The following ENTREP2 variants were observed in gnomAD, a reference collection of about 807,000 sequenced individuals.
ENTREP2 encodes endosomal transmembrane epsin interactor 2, also known as protein ENTREP2.
the ENTREP2 span, among the ~76,000 whole-genome samples, chr15:29,361,485 T>C: frequency 1.3e-5 from 2 of 152,198 alleles, no homozygotes; most frequent in Admixed American, 1.3e-4. Flanking sequence ...TTTCCTCCCA[T>C]TATCTTATAC....
the ENTREP2 span, among the ~76,000 whole-genome samples, chr15:29,220,338 T>C: frequency 2.0e-5 from 3 of 152,354 alleles, no homozygotes; most frequent in Admixed American, 6.5e-5. Flanking sequence ...CTGTCCAAGC[T>C]CATTAGAATT....
chr15:29,211,592 C>T, the ENTREP2 span, among the ~76,000 whole-genome samples: 58 of 152,236 alleles, frequency 3.8e-4, no homozygotes, highest in African/African-American at 1.2e-3. Context: ...TTTCCCCATT[C>T]GGTATTATAT....
the ENTREP2 span, among the ~76,000 whole-genome samples, chr15:29,360,205 A>G: frequency 6.6e-6 from 1 of 152,222 alleles, no homozygotes; most frequent in East Asian, 1.9e-4. Flanking sequence ...AATTTTTTCT[A>G]ACGCTATATC....
chr15:29,589,623 C>T, the ENTREP2 span, among the ~76,000 whole-genome samples: 1 of 152,226 alleles, frequency 6.6e-6, no homozygotes, highest in Non-Finnish European at 1.5e-5. Context: ...CCCTCCGCTA[C>T]CTCTGCAGCC....
the ENTREP2 span, among the ~76,000 whole-genome samples, chr15:29,422,976 G>A: frequency 3.9e-5 from 6 of 152,182 alleles, no homozygotes; most frequent in African/African-American, 1.4e-4. Flanking sequence ...ATAGGTGAGT[G>A]TGTCTTTAAT....
chr15:29,667,966 A>G, the ENTREP2 span, among the ~76,000 whole-genome samples: 1 of 152,120 alleles, frequency 6.6e-6, no homozygotes. Flanking sequence ...TCTAAATTAG[A>G]ATCTCCCTAC....
the ENTREP2 span, among the ~76,000 whole-genome samples, chr15:29,511,858 T>C: frequency 6.7e-6 from 1 of 148,808 alleles, no homozygotes; most frequent in Admixed American, 6.8e-5. Context: ...AGAAAATGTA[T>C]GCTGCCAATA....
the ENTREP2 span, chr15:29,570,523 G>T: frequency 7.0e-7 from 1 of 1,420,288 alleles, no homozygotes; most frequent in South Asian, 1.4e-5. Context: ...CTGCCCAGAA[G>T]GGGCAGGAGT....
the ENTREP2 span, among the ~76,000 whole-genome samples, chr15:29,305,834 A>G: frequency 6.6e-6 from 1 of 152,240 alleles, no homozygotes; most frequent in Non-Finnish European, 1.5e-5. Flanking sequence ...TAGTTTTTAA[A>G]GCCATGGGTC....
At chr15:29,546,607 C>T in the ENTREP2 span, among the ~76,000 whole-genome samples, 6,824 of 152,136 alleles carry the variant, frequency 0.045, 524 homozygotes, top group African/African-American at 0.16. Context: ...ATAAAATTGG[C>T]CAGGCACGGT....
At chr15:29,316,241 T>A in the ENTREP2 span, among the ~76,000 whole-genome samples, 1 of 152,052 alleles carries the variant, frequency 6.6e-6, no homozygotes, top group African/African-American at 2.4e-5. Context: ...CTGTAACATA[T>A]CACCATTTAA....
At chr15:29,223,349 CG>C in the ENTREP2 span, among the ~76,000 whole-genome samples, 1 of 152,122 alleles carries the variant, frequency 6.6e-6, no homozygotes, top group African/African-American at 2.4e-5. Context: ...GCTTGGCTCC[CG>C]GCAGCCTCTG....
the ENTREP2 span, among the ~76,000 whole-genome samples, chr15:29,643,880 A>C: frequency 6.6e-6 from 1 of 152,206 alleles, no homozygotes; most frequent in African/African-American, 2.4e-5. Flanking sequence ...CACTTTGGAG[A>C]ACAGACTGGC....
At chr15:29,203,762 T>C in the ENTREP2 span, among the ~76,000 whole-genome samples, 1 of 152,238 alleles carries the variant, frequency 6.6e-6, no homozygotes, top group African/African-American at 2.4e-5. Flanking sequence ...TGTTTCCCTT[T>C]GCTGTGATCA....
the ENTREP2 span, among the ~76,000 whole-genome samples, chr15:29,338,246 A>T: frequency 4.1e-3 from 620 of 151,604 alleles, 8 homozygotes; most frequent in African/African-American, 0.014. Flanking sequence ...GCATATAAGG[A>T]GTGAAGAGGA....
the ENTREP2 span, among the ~76,000 whole-genome samples, chr15:29,636,297 G>A: frequency 7.2e-5 from 11 of 152,212 alleles, no homozygotes; most frequent in Non-Finnish European, 1.5e-4. Flanking sequence ...CCAATGGAAC[G>A]TTAGCAGTTG....
At chr15:29,505,212 G>A in the ENTREP2 span, among the ~76,000 whole-genome samples, 53 of 152,336 alleles carry the variant, frequency 3.5e-4, no homozygotes, top group East Asian at 1.7e-3. The surrounding 1 kb of genome is among the most constrained non-coding windows in gnomAD (Gnocchi z 4.3). Flanking sequence ...TAGGTTCCTC[G>A]TCTGTGGGCA....
chr15:29,161,089 G>GA, the ENTREP2 span, among the ~76,000 whole-genome samples: 4 of 152,204 alleles, frequency 2.6e-5, no homozygotes, highest in African/African-American at 7.2e-5. Context: ...GTTCCGTGCA[G>GA]ATCTATGTTG....
the ENTREP2 span, among the ~76,000 whole-genome samples, chr15:29,562,441 G>A: frequency 6.6e-6 from 1 of 152,124 alleles, no homozygotes; most frequent in African/African-American, 2.4e-5. Context: ...CTGAGAAAAA[G>A]ACTAATGATA....
Sources: gnomAD v4.1 joint callset for allele counts (sites outside exome capture counted in the v4.1 genomes callset) on GRCh38, gnomAD v4.1.1 for gene constraint, Gnocchi (gnomAD v3.1) non-coding constraint, MANE v1.5 for transcripts, NCBI Gene and HGNC (gene_info 2026-07-23, HGNC 2026-07-21) for gene names.